Variants in PPCS observed in about 807,000 individuals in gnomAD.
The protein encoded by PPCS is phosphopantothenate--cysteine ligase.
In PPCS, 17 loss-of-function variants were observed where a neutral mutation model predicts 24.6. The ratio of observed to expected loss-of-function variants is 0.69; its 90% CI spans 0.47 to 1.04. PPCS has a LOEUF of 1.04. Among genes scored for constraint, PPCS ranks in the 50% least tolerant of loss-of-function variants. The pLI is 0.00. For missense variants in PPCS, 360 were observed against 402.8 expected (o/e 0.89, Z 0.91); for synonymous variants, 190 against 168.3 (o/e 1.13, Z -1.00).
chr1:42,461,488 A>C (rs1041473637), downstream of PPCS, among the ~76,000 whole-genome samples: 1 of 151,556 alleles, frequency 6.6e-6, no homozygotes, highest in Admixed American at 6.6e-5. Flanking sequence ...GGTGTGTGCC[A>C]CCATGCCTGG....
At chr1:42,470,701 A>G (rs1643742013) in intron 2 of PPCS, among the ~76,000 whole-genome samples, 1 of 152,252 alleles carries the variant, frequency 6.6e-6, no homozygotes, top group Non-Finnish European at 1.5e-5. Context: ...ATAAGCCAAT[A>G]CAAAAGGACA....
At chr1:42,464,887 G>A (rs535372879), downstream of PPCS, among the ~76,000 whole-genome samples, 3 of 152,310 alleles carry the variant, frequency 2.0e-5, no homozygotes, top group South Asian at 6.2e-4. Context: ...CATGCTTAGA[G>A]CCAGGTCAAG....
At chr1:42,462,822 C>T (rs536451253), downstream of PPCS, among the ~76,000 whole-genome samples, 2 of 152,300 alleles carry the variant, frequency 1.3e-5, no homozygotes, top group South Asian at 2.1e-4. Flanking sequence ...CAGTTTCTTC[C>T]TTTTTACAAT....
At position 42,456,595 on chromosome 1, in the gene PPCS, C is replaced by T. The variant is rs1430236101; in HGVS notation, c.30C>T (p.Phe10=). 5 of 1,507,428 alleles carry T rather than the reference C, an allele frequency of 3.3e-6. No individual in the cohort carries two copies. Among genetic ancestry groups the T allele is most frequent in the Non-Finnish European group, 3.5e-6 (4 of 1,130,510 alleles). 93.4% of individuals were successfully genotyped at this position (1,507,428 alleles called of 1,614,324 possible). A position where few individuals can be genotyped will look rare whatever the true frequency, so the allele number is the denominator to read the frequency against. ...CGGAAATGGATCCGGTAGCCGAGTT[C>T]CCCCAGCCTCCCGGTGCTGCGCGCT... MAEMDPVAE[F]PQPPGAARWA... The change falls in exon 1 of 3, where the codon TTC becomes TTT. Residue 10 remains phenylalanine, a synonymous_variant. Coordinates refer to ENST00000372561, the MANE Select transcript of PPCS (RefSeq NM_024664.4).
chr1:42,465,179 G>C (rs1205294375), downstream of PPCS, among the ~76,000 whole-genome samples: 1 of 152,114 alleles, frequency 6.6e-6, no homozygotes, highest in Non-Finnish European at 1.5e-5. Flanking sequence ...AGGCATGGTG[G>C]AGCACTCCTG....
chr1:42,461,714 T>C (rs1643417925), downstream of PPCS, among the ~76,000 whole-genome samples: 2 of 151,898 alleles, frequency 1.3e-5, no homozygotes, highest in Non-Finnish European at 2.9e-5. Flanking sequence ...GCCCAGCTAA[T>C]TTTTGCATTT....
Position 42,456,600 on chromosome 1 carries a change from A to T in PPCS, c.35A>T (p.Gln12Leu). Residue 12 changes from glutamine to leucine, a missense_variant, in exon 1 of 3, where the codon CAG (glutamine) becomes CTG (leucine). This residue lies in a region of PPCS where 244 missense variants were observed against 234.7 expected (regional missense o/e 1.04). Transcript: ENST00000372561. The part of the protein sequence containing the change: ...AEMDPVAEFP[Q>L]PPGAARWAEV... The stretch of plus-strand genomic sequence containing the variant: ...ATGGATCCGGTAGCCGAGTTCCCCC[A>T]GCCTCCCGGTGCTGCGCGCTGGGCT... 1 of 1,512,320 alleles carries T rather than the reference A, an allele frequency of 6.6e-7. No homozygotes were observed. The highest frequency in any genetic ancestry group is 8.8e-7 in the Non-Finnish European group (1 of 1,132,810). 93.7% of individuals were successfully genotyped at this position (1,512,320 alleles called of 1,614,324 possible).
chr1:42,457,025 G>C lies in PPCS; in HGVS notation c.460G>C (p.Asp154His). The stretch of plus-strand genomic sequence containing the variant: ...GGCAGTAGAGTTCACCACTTTGGCG[G>C]ACTATTTGCATCTGTTGCAGGCTGC... ...FLAVEFTTLA[D>H]YLHLLQAAAQ... The change falls in exon 1 of 3, where the codon GAC becomes CAC. Residue 154 changes from aspartate to histidine, a missense_variant. This residue lies in a region of PPCS where 244 missense variants were observed against 234.7 expected (regional missense o/e 1.04). Transcript: ENST00000372561. 1 of 1,601,860 alleles carries C rather than the reference G, an allele frequency of 6.2e-7. No homozygotes were observed. Among genetic ancestry groups the C allele is most frequent in the Non-Finnish European group, 8.5e-7 (1 of 1,179,772 alleles).
downstream of PPCS, among the ~76,000 whole-genome samples, chr1:42,465,594 A>G (rs1643549951): frequency 6.6e-6 from 1 of 151,942 alleles, no homozygotes; most frequent in Admixed American, 6.6e-5. Flanking sequence ...TGAACTCCTG[A>G]CCCCAGGTGA....
In PPCS at chr1:42,470,285, G is replaced by T. The variant is rs527421167; in HGVS notation, n.378-2837G>T. ...AGAGCAACTGCTTCACACCCATTAG[G>T]ATGGCTATTTTTTTTTTAAAGTAAC... On this transcript the variant is annotated intron_variant and non_coding_transcript_variant, in intron 2 of 2. Coordinates refer to the PPCS transcript ENST00000471420. Among the ~76,000 whole-genome samples the T allele has an allele frequency of 1.9e-3, 141 of 73,168 alleles. 1 individual carries two copies. Among genetic ancestry groups the T allele is most frequent in the African/African-American group, 6.6e-3 (133 of 20,256 alleles). 48.0% of individuals were successfully genotyped at this position (73,168 alleles called of 152,430 possible). A position where few individuals can be genotyped will look rare whatever the true frequency, so the allele number is the denominator to read the frequency against.
chr1:42,468,181 G>A (rs779644560), intron 2 of PPCS, among the ~76,000 whole-genome samples: 8 of 152,170 alleles, frequency 5.3e-5, no homozygotes, highest in South Asian at 2.1e-4. Context: ...ATAATAATGC[G>A]TTGAAAAAGA....
At position 42,459,370 on chromosome 1, in the gene PPCS, C is replaced by T; in HGVS notation, c.613-233C>T. 2 of 512,596 alleles carry T rather than the reference C, an allele frequency of 3.9e-6. 1 individual carries two copies. The allele number at this position is 512,596 out of a possible 1,614,324, so 31.8% of individuals were successfully genotyped here. A position where few individuals can be genotyped will look rare whatever the true frequency, so the allele number is the denominator to read the frequency against. On this transcript the variant is annotated intron_variant, in intron 2 of 2. Coordinates refer to ENST00000372561, the MANE Select transcript of PPCS (RefSeq NM_024664.4). ...GTAGAGACATGGTTTTGCCATGTTG[C>T]CCAGGCTGGTCTTGAACTGGGCTCA...
intron 2 of PPCS, 159 bp downstream of exon 2, chr1:42,457,509 A>G: frequency 3.1e-6 from 2 of 647,064 alleles, no homozygotes; most frequent in Non-Finnish European, 5.5e-6. Context: ...CTCACAATCT[A>G]GTGAGGGAGC....
chr1:42,472,733 A>G (rs1031454589), intron 2 of PPCS, among the ~76,000 whole-genome samples: 2 of 151,952 alleles, frequency 1.3e-5, no homozygotes, highest in Non-Finnish European at 2.9e-5. Context: ...CAAAGCTTAC[A>G]TTTTTCGGTA....
intron 2 of PPCS, among the ~76,000 whole-genome samples, chr1:42,466,899 A>G (rs546311778): frequency 1.3e-5 from 2 of 152,324 alleles, no homozygotes; most frequent in East Asian, 3.9e-4. Context: ...TTTTAGGTAC[A>G]GTTTAGATGT....
chr1:42,458,650 C>CT (rs1419218189), intron 2 of PPCS, among the ~76,000 whole-genome samples: 1 of 152,076 alleles, frequency 6.6e-6, no homozygotes, highest in Admixed American at 6.5e-5. Flanking sequence ...ACACTAACAG[C>CT]TTTTTTTTAG....
At chr1:42,461,835 G>A (rs1643421241), downstream of PPCS, among the ~76,000 whole-genome samples, 1 of 151,980 alleles carries the variant, frequency 6.6e-6, no homozygotes, top group South Asian at 2.1e-4. Flanking sequence ...GTGAGCCACC[G>A]CGCCCAGCCA....
chr1:42,457,442 T>C, intron 2 of PPCS, 92 bp downstream of exon 2: 1 of 1,100,644 alleles, frequency 9.1e-7, no homozygotes, highest in South Asian at 1.3e-5. Context: ...TCTGCATCTG[T>C]ATTCGCTAGG....
At chr1:42,468,913 G>A (rs1172826469) in intron 2 of PPCS, among the ~76,000 whole-genome samples, 1 of 152,048 alleles carries the variant, frequency 6.6e-6, no homozygotes, top group Non-Finnish European at 1.5e-5. Flanking sequence ...TCCTGGAAAT[G>A]GCAGCATTTG....
Sources: allele counts gnomAD v4.1 joint callset (sites outside exome capture counted in the v4.1 genomes callset), GRCh38; gene constraint gnomAD v4.1.1; regional missense constraint gnomAD v4.1.1; transcripts MANE v1.5; gene names NCBI Gene and HGNC (gene_info 2026-07-23, HGNC 2026-07-21).